Variants in PPP2R5E observed in about 807,000 individuals in gnomAD.
The protein encoded by PPP2R5E is protein phosphatase 2 regulatory subunit B'epsilon.
A neutral mutation model predicts 65.3 loss-of-function variants in PPP2R5E; 4 were observed. The observed-to-expected ratio is 0.06, with a 90% CI of 0.03 to 0.14. PPP2R5E has a LOEUF of 0.14. Ranked by LOEUF, PPP2R5E falls within the 10% of genes least tolerant of loss-of-function variation. PPP2R5E has a pLI of 1.00. For missense variants in PPP2R5E, 274 were observed against 556.1 expected, an observed-to-expected ratio of 0.49 and a Z score of 5.10; for synonymous variants, 183 against 187.4, an observed-to-expected ratio of 0.98 and a Z score of 0.19.
intron 5 of PPP2R5E, among the ~76,000 whole-genome samples, chr14:63,414,876 T>C (rs1886613761): frequency 6.6e-6 from 1 of 152,214 alleles, no homozygotes; most frequent in Non-Finnish European, 1.5e-5. Context: ...TCCTTTATAA[T>C]TAAATTTTTA....
chr14:63,464,015 T>C (rs950061570), intron 2 of PPP2R5E, among the ~76,000 whole-genome samples: 25 of 152,226 alleles, frequency 1.6e-4, no homozygotes, highest in African/African-American at 5.8e-4. Context: ...AAATGCCCTC[T>C]ATAGCAAAAT....
Position 63,536,505 on chromosome 14 carries a change from G to A in PPP2R5E, c.157+3024C>T, listed in dbSNP as rs560774159. On this transcript the variant is annotated intron_variant, in intron 2 of 13. Transcript: ENST00000337537. Reference sequence around the variant, plus strand: ...CCTGAAAAATTCAACATATGATCCAGCAATTACACGTCTGGGTACATACCC... The same window carrying A: ...CCTGAAAAATTCAACATATGATCCAACAATTACACGTCTGGGTACATACCC... 8.5e-5 allele frequency among the ~76,000 whole-genome samples: 13 copies of A among 152,270 alleles called. No homozygotes were observed. In the South Asian group the frequency reaches 2.7e-3, roughly 32 times the overall value.
chr14:63,502,533 G>A (rs1891939918), intron 2 of PPP2R5E, among the ~76,000 whole-genome samples: 2 of 152,024 alleles, frequency 1.3e-5, no homozygotes, highest in African/African-American at 4.8e-5. Context: ...CAGGCATGGT[G>A]GTGTGTGCCT....
Position 63,385,779 on chromosome 14 carries a change from G to T in PPP2R5E, c.1075-1208C>A, listed in dbSNP as rs1011417207. ...TTACACTGACAATATGGTAAAGACTGGGGCCTCATTTCTAGGGCTTCTTCC... is the reference window on the plus strand; with the variant it reads ...TTACACTGACAATATGGTAAAGACTTGGGCCTCATTTCTAGGGCTTCTTCC... On this transcript the variant is annotated intron_variant, in intron 11 of 13. Transcript: ENST00000337537. 2.6e-5 allele frequency among the ~76,000 whole-genome samples: 4 copies of T among 152,136 alleles called. No homozygotes were observed. The East Asian group carries it at 5.8e-4, about 22-fold the overall frequency.
At chr14:63,542,111 T>G (rs78360231) in intron 1 of PPP2R5E, among the ~76,000 whole-genome samples, 1,830 of 152,272 alleles carry the variant, frequency 0.012, 32 homozygotes, top group African/African-American at 0.042. Context: ...TTATTCCTTA[T>G]CTCTCATCTC....
Position 63,380,543 on chromosome 14 carries a change from TC to T in PPP2R5E, c.1304+1512del, listed in dbSNP as rs1884287850. On this transcript the variant is annotated intron_variant, in intron 13 of 13. Transcript: ENST00000337537. ...CAGGCGTGGTGGCGGGTGCTTGTAG[TC>T]CCAGCTACTTAGGAGGCTGAGGCAG... Among the ~76,000 whole-genome samples the T allele has an allele frequency of 2.0e-5, 3 of 151,966 alleles. No homozygotes were observed. In the South Asian group the frequency reaches 6.2e-4, roughly 32 times the overall value.
chr14:63,403,091 C>T (rs983697109), intron 5 of PPP2R5E, among the ~76,000 whole-genome samples: 1 of 152,146 alleles, frequency 6.6e-6, no homozygotes, highest in Non-Finnish European at 1.5e-5. Context: ...CTTAAAACAT[C>T]TGGGAAAGTT....
intron 3 of PPP2R5E, among the ~76,000 whole-genome samples, chr14:63,445,423 A>G (rs1566707590): frequency 6.6e-6 from 1 of 152,236 alleles, no homozygotes; most frequent in Non-Finnish European, 1.5e-5. Flanking sequence ...GCTAACAATC[A>G]TCTGAGCCTT....
chr14:63,468,745 T>G (rs1184202004), intron 2 of PPP2R5E, among the ~76,000 whole-genome samples: 1 of 152,250 alleles, frequency 6.6e-6, no homozygotes, highest in Non-Finnish European at 1.5e-5. Context: ...AATTTTAAAT[T>G]AGTATCATAC....
At chr14:63,393,960 T>C (rs372538435) in intron 7 of PPP2R5E, 32 bp from the exon 8 acceptor site, 25 of 1,296,472 alleles carry the variant, frequency 1.9e-5, no homozygotes, top group Non-Finnish European at 2.7e-5. Context: ...AAATTAGCAA[T>C]GTTACCACAA....
At chr14:63,482,618 A>G (rs1890770530) in intron 2 of PPP2R5E, among the ~76,000 whole-genome samples, 3 of 152,234 alleles carry the variant, frequency 2.0e-5, no homozygotes, top group South Asian at 4.1e-4. Context: ...ATGAGAAGGC[A>G]TGAAACACAT....
intron 2 of PPP2R5E, among the ~76,000 whole-genome samples, chr14:63,460,770 A>C (rs973089803): frequency 1.3e-5 from 2 of 152,324 alleles, no homozygotes; most frequent in South Asian, 4.1e-4. Context: ...ACCAAAGGTC[A>C]CCACCACTAG....
At position 63,498,440 on chromosome 14, in the gene PPP2R5E, T is replaced by TG. The variant is rs146593261; in HGVS notation, c.157+41088_157+41089insC. On this transcript the variant is annotated intron_variant, in intron 2 of 13. Transcript: ENST00000337537. ...TTGACATGGTTTTAGAAAAGGATGT[T>TG]TTTCAAGTTTTGTGTGTATGAACCT... is the stretch of plus-strand genomic sequence containing the variant. 8.0e-3 allele frequency among the ~76,000 whole-genome samples: 1,225 copies of TG among 152,276 alleles called. 45 individuals are homozygous for TG. The East Asian group carries it at 0.11, about 14-fold the overall frequency.
chr14:63,380,643 C>G (rs968855099), intron 13 of PPP2R5E, among the ~76,000 whole-genome samples: 1 of 150,982 alleles, frequency 6.6e-6, no homozygotes, highest in African/African-American at 2.4e-5. Context: ...GCCTGGGCAA[C>G]AGAGCAAGAC....
Position 63,375,877 on chromosome 14 carries a change from C to A in PPP2R5E, c.*132G>T. On this transcript the variant is annotated 3_prime_UTR_variant, in exon 14 of 14. Coordinates refer to ENST00000337537, the MANE Select transcript of PPP2R5E (RefSeq NM_006246.5). The stretch of plus-strand genomic sequence containing the variant: ...TCCTTTACTTAGAGACAGGTATATA[C>A]AGTGCTGCTGTAATAATGAAACAAA... The A allele has an allele frequency of 1.5e-6, 1 of 652,720 alleles. No homozygotes were observed. The highest frequency in any genetic ancestry group is 2.0e-5 in the South Asian group (1 of 49,462). 40.4% of individuals were successfully genotyped at this position (652,720 alleles called of 1,614,324 possible).
At chr14:63,486,068 G>A (rs891197863) in intron 2 of PPP2R5E, among the ~76,000 whole-genome samples, 8 of 151,912 alleles carry the variant, frequency 5.3e-5, no homozygotes, top group African/African-American at 1.9e-4. Context: ...GATTTCAGGT[G>A]ATCTGCCCAC....
chr14:63,530,474 C>G (rs188731179), intron 2 of PPP2R5E, among the ~76,000 whole-genome samples: 1 of 151,860 alleles, frequency 6.6e-6, no homozygotes, highest in East Asian at 1.9e-4. Context: ...CTCAGGTGAT[C>G]TGCCCGCCTT....
Position 63,376,124 on chromosome 14 carries a change from A to T in PPP2R5E, c.1305-16T>A. ...CTTTTTCTCACTGAGGAAGAAACAG[A>T]ATACAATGTAAACAGCTGAGGTTTA... On this transcript the variant is annotated splice_polypyrimidine_tract_variant and intron_variant, in intron 13 of 13. Coordinates refer to ENST00000337537, the MANE Select transcript of PPP2R5E (RefSeq NM_006246.5). 6.6e-7 allele frequency: 1 copy of T among 1,522,748 alleles called. No individual in the cohort carries two copies. Among genetic ancestry groups the T allele is most frequent in the African/African-American group, 1.4e-5 (1 of 73,058 alleles). The allele number at this position is 1,522,748 out of a possible 1,614,324, so 94.3% of individuals were successfully genotyped here.
rs397814218 is a variant in PPP2R5E, at chr14:63,399,366, C to CTTTTTTTTTTTTTTTT, written c.550-2666_550-2651dup. The stretch of plus-strand genomic sequence containing the variant: ...GCTACTAATAGGTCTGGATTTCTTT[C>CTTTTTTTTTTTTTTTT]TTTTTTTTTTTTTTTTTTTTTTTTT... On this transcript the variant is annotated intron_variant, in intron 5 of 13. Transcript: ENST00000337537. Among the ~76,000 whole-genome samples the CTTTTTTTTTTTTTTTT allele has an allele frequency of 2.3e-4, 11 of 48,520 alleles. 4 individuals carry two copies. The highest frequency in any genetic ancestry group is 5.0e-4 in the African/African-American group (6 of 12,018). The allele number at this position is 48,520 out of a possible 152,430, so 31.8% of individuals were successfully genotyped here.
Sources: allele counts gnomAD v4.1 joint callset (sites outside exome capture counted in the v4.1 genomes callset), GRCh38; gene constraint gnomAD v4.1.1; transcripts MANE v1.5; gene names NCBI Gene and HGNC (gene_info 2026-07-23, HGNC 2026-07-21).